TLE4: variants seen among roughly 807,000 people sequenced by gnomAD.
TLE4 encodes the protein transducin-like enhancer protein 4.
In TLE4, 8 loss-of-function variants were observed where a neutral mutation model predicts 92.8. The observed-to-expected ratio is 0.09, with a 90% CI of 0.05 to 0.16. The LOEUF is 0.16. Among genes scored for constraint, TLE4 ranks in the 10% least tolerant of loss-of-function variants. TLE4 has a pLI of 1.00. For synonymous variants in TLE4, 371 were observed against 374.1 expected (o/e 0.99, Z 0.10); for missense variants, 675 against 997.6 (o/e 0.68, Z 4.36).
intron 4 of TLE4, among the ~76,000 whole-genome samples, chr9:79,595,886 A>G (rs964732307): frequency 2.1e-5 from 3 of 143,468 alleles, no homozygotes; most frequent in Non-Finnish European, 3.0e-5. Flanking sequence ...TCTTGCTGTC[A>G]CCCAGGCTGG....
At position 79,706,729 on chromosome 9, in the gene TLE4, C is replaced by G. The variant is rs1346369910; in HGVS notation, c.784-18C>G. On this transcript the variant is annotated intron_variant, in intron 10 of 19. Transcript: ENST00000376552. ...AATGTGCTGTGCTTGCATTACTGTC[C>G]ACGATGTTCCTTTGTAGGATCCATC... The G allele has an allele frequency of 6.2e-7, 1 of 1,609,428 alleles. No individual in the cohort carries two copies. Among genetic ancestry groups the G allele is most frequent in the East Asian group, 2.2e-5 (1 of 44,870 alleles).
intron 14 of TLE4, among the ~76,000 whole-genome samples, chr9:79,718,484 C>G (rs1054916527): frequency 6.6e-6 from 1 of 152,180 alleles, no homozygotes; most frequent in Non-Finnish European, 1.5e-5. Context: ...TTTAGAGATT[C>G]TAAGTAACTA....
chr9:79,694,936 G>A (rs1480241058), intron 8 of TLE4, among the ~76,000 whole-genome samples: 2 of 152,146 alleles, frequency 1.3e-5, no homozygotes, highest in Non-Finnish European at 2.9e-5. Flanking sequence ...GGTCTGTCAG[G>A]CAGGATTCCT....
At chr9:79,576,928 C>T (rs1011700547) in intron 4 of TLE4, 3 of 151,232 alleles carry the variant, frequency 2.0e-5, no homozygotes, top group Non-Finnish European at 4.4e-5. Flanking sequence ...AGAATAATAG[C>T]GGGTATATCT....
At chr9:79,694,776 GA>G (rs11423636) in intron 8 of TLE4, among the ~76,000 whole-genome samples, 118 of 141,328 alleles carry the variant, frequency 8.3e-4, no homozygotes, top group East Asian at 4.6e-3. Flanking sequence ...TTACTAACCA[GA>G]AAAAAAAAAA....
intron 8 of TLE4, among the ~76,000 whole-genome samples, chr9:79,683,554 G>A (rs2065176750): frequency 6.6e-6 from 1 of 152,132 alleles, no homozygotes; most frequent in East Asian, 1.9e-4. Flanking sequence ...GTATAATTTA[G>A]GAATCATACT....
At chr9:79,621,074 T>C (rs753221967) in intron 5 of TLE4, among the ~76,000 whole-genome samples, 1 of 152,302 alleles carries the variant, frequency 6.6e-6, no homozygotes, top group South Asian at 2.1e-4. Context: ...GGGACAAATA[T>C]GCAAACTGTA....
chr9:79,609,766 T>C (rs924652475), intron 4 of TLE4, among the ~76,000 whole-genome samples: 13 of 152,014 alleles, frequency 8.6e-5, no homozygotes, highest in African/African-American at 3.1e-4. Flanking sequence ...ACAGCAATAT[T>C]TCAGAATCCC....
chr9:79,607,359 A>G (rs1037145929), intron 4 of TLE4, among the ~76,000 whole-genome samples: 2 of 152,138 alleles, frequency 1.3e-5, no homozygotes, highest in African/African-American at 2.4e-5. Flanking sequence ...TTTGCCGTGT[A>G]GAAGCTCTTT....
At chr9:79,659,460 A>G (rs2060226360) in intron 8 of TLE4, among the ~76,000 whole-genome samples, 1 of 151,942 alleles carries the variant, frequency 6.6e-6, no homozygotes, top group South Asian at 2.1e-4. Context: ...ATTCTTTGAT[A>G]TCTTCTAATA....
intron 4 of TLE4, among the ~76,000 whole-genome samples, chr9:79,602,761 A>G (rs1219207575): frequency 6.6e-6 from 1 of 152,184 alleles, no homozygotes; most frequent in Admixed American, 6.5e-5. Context: ...TCAACTTTTA[A>G]GATTTACTAT....
chr9:79,697,233 A>G (rs2068507800), intron 8 of TLE4, among the ~76,000 whole-genome samples: 1 of 152,176 alleles, frequency 6.6e-6, no homozygotes, highest in South Asian at 2.1e-4. Flanking sequence ...GTGCGAAATG[A>G]CTTTGGGGTG....
chr9:79,645,496 G>T (rs1413785579), intron 6 of TLE4, among the ~76,000 whole-genome samples: 1 of 152,098 alleles, frequency 6.6e-6, no homozygotes, highest in Non-Finnish European at 1.5e-5. Context: ...AAGCAGTTGG[G>T]GACCTTTGAT....
chr9:79,694,480 TGTC>T (rs2067771991), intron 8 of TLE4, among the ~76,000 whole-genome samples: 1 of 152,182 alleles, frequency 6.6e-6, no homozygotes, highest in African/African-American at 2.4e-5. Flanking sequence ...TAGATCTTGT[TGTC>T]ATGTGAAAGC....
At chr9:79,724,933 G>C (rs959108012) in intron 19 of TLE4, 104 bp from the exon 20 acceptor site, 101 of 623,106 alleles carry the variant, frequency 1.6e-4, no homozygotes, top group Non-Finnish European at 2.5e-4. Flanking sequence ...TGGGCTTTCT[G>C]TTTGGTCAAG....
At chr9:79,654,495 ATT>A (rs557985264) in intron 8 of TLE4, among the ~76,000 whole-genome samples, 56 of 143,086 alleles carry the variant, frequency 3.9e-4, no homozygotes, top group Admixed American at 4.2e-4. Flanking sequence ...TGAATGGTGC[ATT>A]TTTTTTTTTT....
At chr9:79,694,776 G>GAA (rs11423636) in intron 8 of TLE4, among the ~76,000 whole-genome samples, 5 of 141,518 alleles carry the variant, frequency 3.5e-5, no homozygotes, top group African/African-American at 7.7e-5. Flanking sequence ...TTACTAACCA[G>GAA]AAAAAAAAAA....
chr9:79,700,554 T>A (rs1230208253), intron 8 of TLE4, among the ~76,000 whole-genome samples: 1 of 152,184 alleles, frequency 6.6e-6, no homozygotes, highest in African/African-American at 2.4e-5. Flanking sequence ...CATAGTGAAA[T>A]TAGAACCTGA....
At chr9:79,600,661 A>C (rs1259129814) in intron 4 of TLE4, among the ~76,000 whole-genome samples, 2 of 152,230 alleles carry the variant, frequency 1.3e-5, no homozygotes, top group African/African-American at 2.4e-5. Flanking sequence ...GTGATGCTGC[A>C]GCAACTCTTG....
Sources: gnomAD v4.1 joint callset for allele counts (sites outside exome capture counted in the v4.1 genomes callset) on GRCh38, gnomAD v4.1.1 for gene constraint, MANE v1.5 for transcripts, NCBI Gene and HGNC (gene_info 2026-07-23, HGNC 2026-07-21) for gene names.